Variants in TANC2 observed in about 807,000 individuals in gnomAD.
The protein encoded by TANC2 is protein TANC2.
Under a neutral mutation model 210.5 loss-of-function variants are expected in TANC2, and 26 were observed. The ratio of observed to expected loss-of-function variants is 0.12; its 90% CI spans 0.09 to 0.17. The LOEUF is 0.17. Among genes scored for constraint, TANC2 ranks in the 10% least tolerant of loss-of-function variants. The pLI is 1.00. For missense variants in TANC2, 2,129 were observed against 2,608.9 expected (o/e 0.82, Z 4.01); for synonymous variants, 931 against 967.1 (o/e 0.96, Z 0.69).
At chr17:63,098,139 T>C (rs998725766) in intron 3 of TANC2, among the ~76,000 whole-genome samples, 7 of 152,162 alleles carry the variant, frequency 4.6e-5, no homozygotes, top group African/African-American at 1.7e-4. Flanking sequence ...CTTATCTCTG[T>C]TATTGTTAAT....
chr17:63,335,261 C>T (rs982039828), intron 11 of TANC2, among the ~76,000 whole-genome samples: 4 of 152,140 alleles, frequency 2.6e-5, no homozygotes, highest in Admixed American at 6.5e-5. Context: ...CATGAGAAAA[C>T]ATCAGACAAA....
At chr17:63,092,813 A>G (rs6504150) in intron 3 of TANC2, among the ~76,000 whole-genome samples, 76,718 of 151,860 alleles carry the variant, frequency 0.51, 20,657 homozygotes, top group African/African-American at 0.69. Context: ...GCCCACCTTC[A>G]GTATTGGTGA....
chr17:63,306,542 G>A (rs1238584334), intron 9 of TANC2, among the ~76,000 whole-genome samples: 4 of 152,096 alleles, frequency 2.6e-5, no homozygotes, highest in African/African-American at 4.8e-5. Flanking sequence ...AAGAAGACAG[G>A]AATAAGCAAG....
chr17:63,005,492 G>A (rs1372993368), intron 1 of TANC2, among the ~76,000 whole-genome samples: 1 of 147,696 alleles, frequency 6.8e-6, no homozygotes, highest in Non-Finnish European at 1.5e-5. Flanking sequence ...AAAAAAAAAA[G>A]CCTGCTGGAA....
intron 15 of TANC2, among the ~76,000 whole-genome samples, chr17:63,381,880 A>T (rs2047622450): frequency 6.6e-6 from 1 of 152,238 alleles, no homozygotes; most frequent in African/African-American, 2.4e-5. Context: ...TTGCCGACAA[A>T]AAGATCCCTT....
chr17:63,186,338 T>TTC lies in TANC2; in HGVS notation c.434-7641_434-7640dup, dbSNP rs1362842283. Among the ~76,000 whole-genome samples the TTC allele has an allele frequency of 8.1e-5, 12 of 148,844 alleles. 1 individual carries two copies. The highest frequency in any genetic ancestry group is 3.9e-4 in the East Asian group (2 of 5,162). On this transcript the variant is annotated intron_variant, in intron 5 of 27. Coordinates refer to ENST00000689528, the Ensembl canonical transcript of TANC2. ...AATCTCGATATTAAGCAGTATGCCC[T>TTC]TCTCTCTCTCTCTTTTTTTTTTTTT...
chr17:63,366,200 G>A (rs1434556519), intron 14 of TANC2, among the ~76,000 whole-genome samples: 2 of 152,134 alleles, frequency 1.3e-5, no homozygotes, highest in African/African-American at 4.8e-5. Flanking sequence ...CTCCTGCCAT[G>A]CCTCGGGAGT....
rs114731964 is a variant in TANC2, at chr17:62,996,337, G to A, written c.-23-13200G>A. Among the ~76,000 whole-genome samples the A allele has an allele frequency of 4.1e-3, 623 of 152,270 alleles. 6 individuals carry two copies. The highest frequency in any genetic ancestry group is 0.013 in the African/African-American group (538 of 41,554). On this transcript the variant is annotated intron_variant, in intron 1 of 27. Transcript: ENST00000689528. The stretch of plus-strand genomic sequence containing the variant: ...TTAAAAACCTCACTTAGGAGTACGC[G>A]CCTGTAGCAATAGCGGAGTCTTAGC...
chr17:63,327,223 ATAAG>A (rs1430381402), intron 11 of TANC2, among the ~76,000 whole-genome samples: 1 of 152,236 alleles, frequency 6.6e-6, no homozygotes, highest in African/African-American at 2.4e-5. Flanking sequence ...AAGACGAAAG[ATAAG>A]TGTTGGCAAG....
chr17:63,312,301 A>G (rs866562086), intron 9 of TANC2, among the ~76,000 whole-genome samples: 5 of 152,202 alleles, frequency 3.3e-5, no homozygotes, highest in African/African-American at 1.2e-4. Flanking sequence ...TAACAAAGAC[A>G]TGGAATCTCC....
chr17:63,256,109 T>C (rs2043187770), intron 8 of TANC2, among the ~76,000 whole-genome samples: 1 of 152,016 alleles, frequency 6.6e-6, no homozygotes, highest in African/African-American at 2.4e-5. Flanking sequence ...TTTCACCATG[T>C]TGGCCAGGCT....
chr17:63,094,893 T>C (rs886789815), intron 3 of TANC2, among the ~76,000 whole-genome samples: 1 of 148,252 alleles, frequency 6.7e-6, no homozygotes. Flanking sequence ...ACTTTTAATT[T>C]GGTTGACTGA....
intron 14 of TANC2, among the ~76,000 whole-genome samples, chr17:63,372,344 TG>T (rs1335745133): frequency 2.0e-5 from 3 of 152,188 alleles, no homozygotes; most frequent in African/African-American, 7.2e-5. Flanking sequence ...ACTTCTCTTC[TG>T]GCTGCAAAGG....
chr17:63,052,683 A>C (rs537471013), intron 2 of TANC2, among the ~76,000 whole-genome samples: 14 of 152,322 alleles, frequency 9.2e-5, no homozygotes, highest in Non-Finnish European at 1.6e-4. Context: ...CAGCATATTC[A>C]GGGGCTCCAT....
chr17:63,272,576 TC>T (rs766938639), intron 9 of TANC2, among the ~76,000 whole-genome samples: 9 of 152,232 alleles, frequency 5.9e-5, no homozygotes, highest in Non-Finnish European at 2.9e-5. Flanking sequence ...CATTGATTCT[TC>T]CTATTCATGA....
chr17:63,069,917 G>C (rs942281439), intron 2 of TANC2, among the ~76,000 whole-genome samples: 3 of 151,990 alleles, frequency 2.0e-5, no homozygotes, highest in African/African-American at 7.2e-5. Context: ...TGTCTTTTTT[G>C]ACATGCCATA....
chr17:63,412,030 C>A lies in TANC2; in HGVS notation c.3798C>A (p.Ile1266=). 6.2e-7 allele frequency: 1 copy of A among 1,613,848 alleles called. No homozygotes were observed. Among genetic ancestry groups the A allele is most frequent in the South Asian group, 1.1e-5 (1 of 91,060 alleles). ...TCCTGGTAGATCATGGGGCCATGAT[C>A]GAGCACGTTGACTACAGTGGAATGC... The change falls in exon 23 of 28, where the codon ATC becomes ATA. Residue 1266 remains isoleucine, a synonymous_variant. Transcript: ENST00000689528. The surrounding 1 kb of genome is among the most constrained non-coding windows in gnomAD (Gnocchi z 4.2).
intron 5 of TANC2, among the ~76,000 whole-genome samples, chr17:63,170,302 G>A (rs570094809): frequency 1.6e-4 from 24 of 150,902 alleles, no homozygotes; most frequent in African/African-American, 5.8e-4. Flanking sequence ...GGGTGTGGTG[G>A]TGGGTGACTG....
In TANC2 at chr17:63,062,796, A is replaced by G. The variant is rs1381144608; in HGVS notation, c.68-11147A>G. ...AAGGAAAATCCAACAGTATTCTTCT[A>G]CTATACTCTTCATACAGAGCACTTC... On this transcript the variant is annotated intron_variant, in intron 2 of 27. Coordinates refer to ENST00000689528, the Ensembl canonical transcript of TANC2. Among the ~76,000 whole-genome samples, 6 of 152,196 alleles carry G rather than the reference A, an allele frequency of 3.9e-5. No individual in the cohort carries two copies. The South Asian group carries it at 1.0e-3, about 26-fold the overall frequency.
Sources: gnomAD v4.1 joint callset for allele counts (sites outside exome capture counted in the v4.1 genomes callset) on GRCh38, gnomAD v4.1.1 for gene constraint, Gnocchi (gnomAD v3.1) non-coding constraint, MANE v1.5 for transcripts, NCBI Gene and HGNC (gene_info 2026-07-23, HGNC 2026-07-21) for gene names.